KLRF1: variants seen among roughly 807,000 people sequenced by gnomAD.
KLRF1 encodes killer cell lectin like receptor F1, also known as killer cell lectin-like receptor subfamily F member 1.
In KLRF1, 27 loss-of-function variants were observed where a neutral mutation model predicts 30.7. The ratio of observed to expected loss-of-function variants is 0.88; its 90% CI spans 0.65 to 1.21. The LOEUF is 1.21. KLRF1 is among the 50% of genes most tolerant of loss of function. The pLI is 0.00. For synonymous variants in KLRF1, 92 were observed against 89.3 expected (o/e 1.03, Z -0.17); for missense variants, 246 against 259.3 (o/e 0.95, Z 0.35).
At chr12:9,820,416 C>A in the KLRF1 span, among the ~76,000 whole-genome samples, 1 of 152,188 alleles carries the variant, frequency 6.6e-6, no homozygotes, top group Non-Finnish European at 1.5e-5. Flanking sequence ...CCAGCCACCC[C>A]CTGCTGTGGC....
intron 3 of KLRF1, among the ~76,000 whole-genome samples, chr12:9,837,155 T>A (rs911039299): frequency 1.3e-5 from 2 of 152,076 alleles, no homozygotes; most frequent in African/African-American, 4.8e-5. Flanking sequence ...ACTACAAATC[T>A]TCTTTCGGTC....
chr12:9,838,775 T>C (rs7309228), intron 3 of KLRF1, among the ~76,000 whole-genome samples: 1,949 of 152,266 alleles, frequency 0.013, 32 homozygotes, highest in African/African-American at 0.044. Context: ...AATTATTCCT[T>C]TTATTAGAGC....
At chr12:9,835,485 A>G (rs1867556106) in intron 3 of KLRF1, among the ~76,000 whole-genome samples, 1 of 152,052 alleles carries the variant, frequency 6.6e-6, no homozygotes, top group Admixed American at 6.6e-5. Context: ...GGCTGGGTAT[A>G]AGTAAACAAG....
chr12:9,833,361 T>C lies in KLRF1; in HGVS notation c.243T>C (p.Tyr81=). 4 of 1,611,464 alleles carry C rather than the reference T, an allele frequency of 2.5e-6. No individual in the cohort carries two copies. Among genetic ancestry groups the C allele is most frequent in the Non-Finnish European group, 3.4e-6 (4 of 1,178,732 alleles). The part of the protein sequence containing the change: ...QKGSCSNATQ[Y]EDTGDLKVNN... The stretch of plus-strand genomic sequence containing the variant: ...GAAGTTGTTCAAATGCCACTCAGTA[T>C]GAGGACACTGGAGATCTAAAAGTGA... The change falls in exon 3 of 6, where the codon TAT becomes TAC. Residue 81 remains tyrosine, a synonymous_variant. Coordinates refer to ENST00000617889, the MANE Select transcript of KLRF1 (RefSeq NM_016523.3).
chr12:9,837,310 A>G (rs1441601356), intron 3 of KLRF1, among the ~76,000 whole-genome samples: 6 of 151,858 alleles, frequency 4.0e-5, no homozygotes, highest in Non-Finnish European at 8.8e-5. Context: ...TTGTGCATGT[A>G]TATCTATAAA....
intron 3 of KLRF1, among the ~76,000 whole-genome samples, chr12:9,834,122 C>T (rs1362390025): frequency 6.8e-6 from 1 of 147,640 alleles, no homozygotes; most frequent in Non-Finnish European, 1.5e-5. Context: ...TTTTGAGCCA[C>T]GATGAGCCAG....
chr12:9,837,034 A>G (rs972692786), intron 3 of KLRF1, among the ~76,000 whole-genome samples: 2 of 152,104 alleles, frequency 1.3e-5, no homozygotes, highest in Non-Finnish European at 2.9e-5. Context: ...GAACCTTCAA[A>G]CGTTGTGAAC....
the KLRF1 span, among the ~76,000 whole-genome samples, chr12:9,802,961 T>C: frequency 6.6e-6 from 1 of 152,058 alleles, no homozygotes; most frequent in Non-Finnish European, 1.5e-5. Flanking sequence ...AAAAAACTAC[T>C]TTAAATTTTA....
chr12:9,807,355 C>T, the KLRF1 span, among the ~76,000 whole-genome samples: 19,621 of 151,990 alleles, frequency 0.13, 1,578 homozygotes, highest in African/African-American at 0.22. Context: ...AACCTTCTTA[C>T]TTACTATTCT....
chr12:9,824,736 C>T (rs999554111), upstream of KLRF1, among the ~76,000 whole-genome samples: 27 of 152,280 alleles, frequency 1.8e-4, no homozygotes, highest in African/African-American at 6.5e-4. Flanking sequence ...GGCCAAAAAG[C>T]TCCTTCAACT....
At chr12:9,817,741 T>C in the KLRF1 span, 1 of 210,358 alleles carries the variant, frequency 4.8e-6, no homozygotes, top group African/African-American at 2.4e-5. Context: ...CCCATGATAT[T>C]TTTTGGTCTT....
At chr12:9,830,001 G>A (rs1342055548) in intron 1 of KLRF1, among the ~76,000 whole-genome samples, 1 of 152,042 alleles carries the variant, frequency 6.6e-6, no homozygotes, top group East Asian at 1.9e-4. Flanking sequence ...TTACTTCCTA[G>A]TCTGTCATTA....
chr12:9,841,863 C>A lies in KLRF1; in HGVS notation c.386C>A (p.Ser129Tyr), dbSNP rs374823864. 3.7e-6 allele frequency: 6 copies of A among 1,608,754 alleles called. No individual in the cohort carries two copies. In the African/African-American group the frequency reaches 8.0e-5, roughly 22 times the overall value. ...TACCAAGGGAAGTGTTATTGGTTCTCTAATGAGATGAAAAGCTGGAGTGAC... is the reference window on the plus strand; with the variant it reads ...TACCAAGGGAAGTGTTATTGGTTCTATAATGAGATGAAAAGCTGGAGTGAC... ...LKYQGKCYWFSNEMKSWSDSY... is the reference protein window; with the variant it reads ...LKYQGKCYWFYNEMKSWSDSY... The change falls in exon 4 of 6, where the codon TCT (serine) becomes TAT (tyrosine). Residue 129 changes from serine (S) to tyrosine (Y), a missense_variant. Transcript: ENST00000617889.
chr12:9,827,457 C>G, upstream of KLRF1: 1 of 649,620 alleles, frequency 1.5e-6, no homozygotes, highest in Middle Eastern at 3.7e-4. Context: ...CTCTGATTAG[C>G]AGCAGATTTA....
At chr12:9,807,602 T>C in the KLRF1 span, among the ~76,000 whole-genome samples, 1 of 152,184 alleles carries the variant, frequency 6.6e-6, no homozygotes, top group African/African-American at 2.4e-5. Flanking sequence ...TATACAATTA[T>C]ACTATCTTAT....
chr12:9,840,146 A>G (rs1268025243), intron 3 of KLRF1, among the ~76,000 whole-genome samples: 1 of 152,164 alleles, frequency 6.6e-6, no homozygotes, highest in Non-Finnish European at 1.5e-5. Context: ...AAGGTCCATC[A>G]TAGTTAAATC....
chr12:9,821,509 G>T, the KLRF1 span, among the ~76,000 whole-genome samples: 3 of 152,110 alleles, frequency 2.0e-5, no homozygotes, highest in African/African-American at 7.2e-5. Flanking sequence ...CCTGGTTTGG[G>T]CCCATAGCAC....
intron 3 of KLRF1, among the ~76,000 whole-genome samples, chr12:9,841,491 C>T (rs1867701458): frequency 2.6e-5 from 4 of 152,030 alleles, no homozygotes; most frequent in Admixed American, 2.6e-4. Context: ...TGGATAAATT[C>T]TAAGTGATAC....
the KLRF1 span, among the ~76,000 whole-genome samples, chr12:9,804,901 T>C: frequency 6.6e-6 from 1 of 152,032 alleles, no homozygotes; most frequent in Non-Finnish European, 1.5e-5. Context: ...TTTATTTTAT[T>C]GATATGGTAT....
Sources: allele counts gnomAD v4.1 joint callset (sites outside exome capture counted in the v4.1 genomes callset), GRCh38; gene constraint gnomAD v4.1.1; transcripts MANE v1.5; gene names NCBI Gene and HGNC (gene_info 2026-07-23, HGNC 2026-07-21).